Variants in CSMD1 observed in about 807,000 individuals in gnomAD.
CSMD1 encodes the protein CUB and Sushi multiple domains 1, also known as CUB and sushi domain-containing protein 1.
In CSMD1, 213 loss-of-function variants were observed where a neutral mutation model predicts 417.5. The observed-to-expected ratio is 0.51, with a 90% CI of 0.46 to 0.57. The LOEUF (loss-of-function observed/expected upper bound fraction) is 0.57. Ranked by LOEUF, CSMD1 falls within the 20% of genes least tolerant of loss-of-function variation. The probability of loss-of-function intolerance (pLI) is 0.00; values close to 1 mark genes in which losing one functional copy is unlikely to be tolerated. For missense variants in CSMD1, 6,923 were observed against 4,529.7 expected (o/e 1.53, Z -15.17); for synonymous variants, 2,862 against 1,736.8 (o/e 1.65, Z -16.11).
At chr8:4,047,592 G>A (rs1056656228) in intron 3 of CSMD1, among the ~76,000 whole-genome samples, 11 of 151,936 alleles carry the variant, frequency 7.2e-5, no homozygotes, top group Non-Finnish European at 1.3e-4. Context: ...TACTGAATGC[G>A]TATTATGTGT....
intron 1 of CSMD1, among the ~76,000 whole-genome samples, chr8:4,675,242 T>C (rs578007601): frequency 1.3e-5 from 2 of 152,212 alleles, no homozygotes; most frequent in South Asian, 2.1e-4. Flanking sequence ...CCATGCAGTA[T>C]TTAAAACACT....
At chr8:4,108,705 T>C (rs1378208699) in intron 3 of CSMD1, among the ~76,000 whole-genome samples, 1 of 151,574 alleles carries the variant, frequency 6.6e-6, no homozygotes, top group Non-Finnish European at 1.5e-5. Flanking sequence ...CAGACAATAC[T>C]TAAAATAAAC....
intron 12 of CSMD1, among the ~76,000 whole-genome samples, chr8:3,462,457 A>G (rs1563062328): frequency 1.3e-5 from 2 of 152,122 alleles, no homozygotes; most frequent in South Asian, 2.1e-4. Flanking sequence ...CAGCAGCAAC[A>G]TTACATTCTC....
At chr8:4,523,668 G>C (rs1314237216) in intron 2 of CSMD1, among the ~76,000 whole-genome samples, 1 of 152,206 alleles carries the variant, frequency 6.6e-6, no homozygotes, top group East Asian at 1.9e-4. Context: ...TCTAATCCAG[G>C]TCTACTAAAG....
At chr8:4,194,125 G>A (rs985090363) in intron 3 of CSMD1, among the ~76,000 whole-genome samples, 1 of 152,094 alleles carries the variant, frequency 6.6e-6, no homozygotes, top group Non-Finnish European at 1.5e-5. Flanking sequence ...AACAAAGAAT[G>A]CAGAATGATA....
At chr8:3,506,366 G>C (rs1428070866) in intron 10 of CSMD1, among the ~76,000 whole-genome samples, 1 of 152,192 alleles carries the variant, frequency 6.6e-6, no homozygotes, top group African/African-American at 2.4e-5. Flanking sequence ...ATGCTAACAA[G>C]AACACTGGAG....
intron 2 of CSMD1, among the ~76,000 whole-genome samples, chr8:4,626,446 G>C (rs915833141): frequency 6.6e-6 from 1 of 152,082 alleles, no homozygotes; most frequent in African/African-American, 2.4e-5. Flanking sequence ...TGAACCTTCT[G>C]TTTGAGGGTT....
At chr8:3,651,655 G>A (rs1316997872) in intron 7 of CSMD1, among the ~76,000 whole-genome samples, 2 of 152,064 alleles carry the variant, frequency 1.3e-5, no homozygotes, top group African/African-American at 4.8e-5. Flanking sequence ...GCACTTAGCA[G>A]CAATAGCGTG....
intron 10 of CSMD1, among the ~76,000 whole-genome samples, chr8:3,561,800 G>GA (rs71534361): frequency 0.12 from 18,090 of 151,764 alleles, 1,374 homozygotes; most frequent in Middle Eastern, 0.19. Context: ...AACAGAAAAA[G>GA]AAAAAAAAGT....
chr8:4,763,752 G>A (rs1418808089), intron 1 of CSMD1, among the ~76,000 whole-genome samples: 3 of 152,180 alleles, frequency 2.0e-5, no homozygotes, highest in Non-Finnish European at 2.9e-5. Context: ...ACCATTTCAA[G>A]AGGCAGGGCA....
chr8:4,369,365 G>A (rs1186991669), intron 3 of CSMD1, among the ~76,000 whole-genome samples: 1 of 152,098 alleles, frequency 6.6e-6, no homozygotes, highest in African/African-American at 2.4e-5. Context: ...GGCCAAGCAT[G>A]TGGTTGATCT....
At chr8:3,746,186 T>C (rs114989186) in intron 6 of CSMD1, among the ~76,000 whole-genome samples, 2 of 152,222 alleles carry the variant, frequency 1.3e-5, no homozygotes, top group Non-Finnish European at 2.9e-5. Context: ...CTGAAAAGAA[T>C]AGCAGTTTAG....
chr8:3,780,756 T>A (rs532102214), intron 5 of CSMD1, among the ~76,000 whole-genome samples: 187 of 152,246 alleles, frequency 1.2e-3, no homozygotes, highest in African/African-American at 4.4e-3. Flanking sequence ...ATCTCTTGGG[T>A]GACATTCTTA....
intron 21 of CSMD1, among the ~76,000 whole-genome samples, chr8:3,351,682 A>G (rs1013345774): frequency 1.3e-5 from 2 of 149,116 alleles, no homozygotes; most frequent in Admixed American, 6.7e-5. Context: ...ATACATATAC[A>G]TTAAATGATA....
At chr8:2,962,319 C>G (rs1187990805) in intron 61 of CSMD1, 147 bp downstream of exon 61, 4 of 664,716 alleles carry the variant, frequency 6.0e-6, no homozygotes, top group Non-Finnish European at 7.5e-6. Flanking sequence ...AGTGCGCAAT[C>G]CTACTCAGTG....
chr8:3,565,068 C>T (rs1313995845), intron 10 of CSMD1, among the ~76,000 whole-genome samples: 1 of 135,232 alleles, frequency 7.4e-6, no homozygotes, highest in East Asian at 2.4e-4. Context: ...TGCACATGGA[C>T]CCCTGAACTT....
At chr8:3,531,203 C>T (rs1311051628) in intron 10 of CSMD1, among the ~76,000 whole-genome samples, 1 of 152,092 alleles carries the variant, frequency 6.6e-6, no homozygotes, top group Non-Finnish European at 1.5e-5. Flanking sequence ...GGAGATTCAC[C>T]TAATTTAAAA....
At chr8:4,801,484 T>G (rs768553236) in intron 1 of CSMD1, among the ~76,000 whole-genome samples, 1 of 151,894 alleles carries the variant, frequency 6.6e-6, no homozygotes, top group Non-Finnish European at 1.5e-5. Flanking sequence ...TTTCTTCAAA[T>G]TGAGGGGCGC....
chr8:3,091,586 A>G lies in CSMD1; in HGVS notation c.7215T>C (p.Ser2405=), dbSNP rs1283733930. The part of the protein sequence containing the change: ...HTEQSNFTSR[S]NQLYLRWSTD... ...TGGACCAGCGGAGATATAACTGATT[A>G]CTCCTGCTTGTAAAATTTGATTGTT... The change falls in exon 48 of 70, where the codon AGT becomes AGC. Residue 2405 remains serine (S), a synonymous_variant. Transcript: ENST00000635120. 1 of 1,611,048 alleles carries G rather than the reference A, an allele frequency of 6.2e-7. No individual in the cohort carries two copies. Among genetic ancestry groups the G allele is most frequent in the African/African-American group, 1.3e-5 (1 of 74,936 alleles).
Sources: gnomAD v4.1 joint callset for allele counts (sites outside exome capture counted in the v4.1 genomes callset) on GRCh38, gnomAD v4.1.1 for gene constraint, MANE v1.5 for transcripts, NCBI Gene and HGNC (gene_info 2026-07-23, HGNC 2026-07-21) for gene names.